The following SIPA1L2 variants were observed in gnomAD, a reference collection of about 807,000 sequenced individuals.
The protein encoded by SIPA1L2 is signal-induced proliferation-associated 1-like protein 2.
Under a neutral mutation model 163.9 loss-of-function variants are expected in SIPA1L2, and 56 were observed. That is an observed-to-expected ratio of 0.34 (90% confidence interval 0.28 to 0.43). The LOEUF (loss-of-function observed/expected upper bound fraction) is 0.43, where lower values mean the gene tolerates loss of function less well. SIPA1L2 is among the 20% of genes least tolerant of loss of function. The pLI, the probability that SIPA1L2 is intolerant of heterozygous loss-of-function variation, is 1.00. For missense variants in SIPA1L2, 1,974 were observed against 2,193.5 expected, an observed-to-expected ratio of 0.90 and a Z score of 2.00; for synonymous variants, 877 against 865.7, an observed-to-expected ratio of 1.01 and a Z score of -0.23.
chr1:232,550,865 G>A (rs1658338278), intron 2 of SIPA1L2, among the ~76,000 whole-genome samples: 1 of 152,138 alleles, frequency 6.6e-6, no homozygotes, highest in African/African-American at 2.4e-5. Flanking sequence ...GGAAAAAAGG[G>A]GGAAGAGCAA....
At chr1:232,404,270 G>A (rs939017745) in intron 19 of SIPA1L2, 92 bp from the exon 20 acceptor site, 9 of 959,556 alleles carry the variant, frequency 9.4e-6, no homozygotes, top group Middle Eastern at 2.2e-4. Context: ...GTGTGAAGTA[G>A]TGTGTGTGTG....
chr1:232,480,281 AC>A, intron 6 of SIPA1L2, among the ~76,000 whole-genome samples: 1 of 152,190 alleles, frequency 6.6e-6, no homozygotes, highest in African/African-American at 2.4e-5. Flanking sequence ...GGAAATGAGA[AC>A]AAAAAATGTT....
At chr1:232,415,210 A>G (rs945872104) in intron 19 of SIPA1L2, among the ~76,000 whole-genome samples, 3 of 152,196 alleles carry the variant, frequency 2.0e-5, no homozygotes, top group Admixed American at 6.5e-5. Context: ...CTTTTCAGAT[A>G]GGAAACAGAG....
intron 18 of SIPA1L2, among the ~76,000 whole-genome samples, chr1:232,423,342 T>C (rs1335659586): frequency 1.3e-5 from 2 of 152,118 alleles, no homozygotes; most frequent in African/African-American, 4.8e-5. Context: ...ACATAGGCGA[T>C]TGTGGTAGTC....
At chr1:232,469,103 G>A (rs1664672499) in intron 8 of SIPA1L2, among the ~76,000 whole-genome samples, 2 of 152,194 alleles carry the variant, frequency 1.3e-5, no homozygotes, top group Admixed American at 1.3e-4. Context: ...TTTCATTAGA[G>A]AAGGTGATCT....
At chr1:232,529,648 A>G (rs1667879024) in intron 2 of SIPA1L2, among the ~76,000 whole-genome samples, 2 of 152,170 alleles carry the variant, frequency 1.3e-5, no homozygotes, top group Non-Finnish European at 2.9e-5. Flanking sequence ...CTTCTCATCC[A>G]TATTCTAGCT....
intron 2 of SIPA1L2, among the ~76,000 whole-genome samples, chr1:232,565,714 T>C (rs989121502): frequency 2.6e-5 from 4 of 152,240 alleles, no homozygotes; most frequent in South Asian, 2.1e-4. Flanking sequence ...ACAGATTCTC[T>C]ATTCCTTTCT....
chr1:232,401,240 C>T (rs1435284719), intron 22 of SIPA1L2, among the ~76,000 whole-genome samples: 2 of 152,208 alleles, frequency 1.3e-5, no homozygotes, highest in Non-Finnish European at 2.9e-5. Context: ...GGGACTTTGC[C>T]GGTTCTAATA....
At chr1:232,435,664 G>C (rs910469198) in intron 15 of SIPA1L2, among the ~76,000 whole-genome samples, 5 of 152,132 alleles carry the variant, frequency 3.3e-5, no homozygotes, top group African/African-American at 1.2e-4. Context: ...ATTTTGCAAA[G>C]CCTTAGTTAG....
rs1161617252 is a variant in SIPA1L2 at position 232,630,108 on chromosome 1, G to A, written c.-558C>T. On this transcript the variant is annotated 5_prime_UTR_variant, in exon 1 of 23. Transcript: ENST00000674635. ...TCCGTCCTCCTCCTCCTCTCGCTCC[G>A]CCAGCTCCTCCCGGGCTCCCAGTCT... Among the ~76,000 whole-genome samples, 1 of 151,038 alleles carries A rather than the reference G, an allele frequency of 6.6e-6. No homozygotes were observed. Among genetic ancestry groups the A allele is most frequent in the Non-Finnish European group, 1.5e-5 (1 of 67,592 alleles).
intron 18 of SIPA1L2, among the ~76,000 whole-genome samples, chr1:232,417,517 C>T (rs1317372485): frequency 1.3e-5 from 2 of 152,036 alleles, no homozygotes; most frequent in Non-Finnish European, 2.9e-5. Context: ...GAAGCAGCAA[C>T]GCAGGAGTGG....
chr1:232,436,223 A>C lies in SIPA1L2; in HGVS notation c.4031+2885T>G, dbSNP rs12035376. Among the ~76,000 whole-genome samples the C allele has an allele frequency of 0.029, 4,367 of 152,272 alleles. 533 individuals are homozygous for C. In the East Asian group the frequency reaches 0.4, roughly 14 times the overall value. On this transcript the variant is annotated intron_variant, in intron 15 of 22. Transcript: ENST00000674635. ...AAATATTCAGATGCCTGCCATGTGCACAGAAGCGTACTAAGTGTTGTGGAT... is the reference window on the plus strand; with the variant it reads ...AAATATTCAGATGCCTGCCATGTGCCCAGAAGCGTACTAAGTGTTGTGGAT...
chr1:232,409,251 T>A (rs370635949), intron 19 of SIPA1L2, among the ~76,000 whole-genome samples: 1 of 152,388 alleles, frequency 6.6e-6, no homozygotes, highest in East Asian at 1.9e-4. Flanking sequence ...TCATCTTTAC[T>A]ATGAAGCTTT....
intron 18 of SIPA1L2, among the ~76,000 whole-genome samples, chr1:232,421,986 G>A (rs963209205): frequency 6.6e-6 from 1 of 152,162 alleles, no homozygotes; most frequent in Non-Finnish European, 1.5e-5. Context: ...GCCTGCCAAT[G>A]CTTGGGATTG....
chr1:232,483,365 C>T (rs1665467233), intron 6 of SIPA1L2, among the ~76,000 whole-genome samples: 1 of 151,706 alleles, frequency 6.6e-6, no homozygotes, highest in African/African-American at 2.4e-5. Flanking sequence ...TGGTTAACAT[C>T]ATGAATCTGG....
chr1:232,594,294 G>T (rs1031862512), intron 1 of SIPA1L2, among the ~76,000 whole-genome samples: 1 of 152,324 alleles, frequency 6.6e-6, no homozygotes, highest in East Asian at 1.9e-4. Flanking sequence ...GAGCTGCTAC[G>T]GGCAGAGCTG....
At chr1:232,460,132 G>A (rs1286207750) in intron 10 of SIPA1L2, among the ~76,000 whole-genome samples, 1 of 152,200 alleles carries the variant, frequency 6.6e-6, no homozygotes, top group East Asian at 1.9e-4. Flanking sequence ...ATTAACACAA[G>A]TAGTGGGCCA....
intron 1 of SIPA1L2, among the ~76,000 whole-genome samples, chr1:232,627,555 T>C (rs1663145819): frequency 6.6e-6 from 1 of 151,834 alleles, no homozygotes; most frequent in African/African-American, 2.4e-5. Context: ...ACCTTCCAAA[T>C]CCATATTACA....
chr1:232,445,031 A>G (rs543335537), intron 11 of SIPA1L2, among the ~76,000 whole-genome samples: 2 of 152,368 alleles, frequency 1.3e-5, no homozygotes, highest in Admixed American at 1.3e-4. Context: ...AAACAAGTGT[A>G]TGCATTCTTC....
Sources: gnomAD v4.1 joint callset for allele counts (sites outside exome capture counted in the v4.1 genomes callset) on GRCh38, gnomAD v4.1.1 for gene constraint, MANE v1.5 for transcripts, NCBI Gene and HGNC (gene_info 2026-07-23, HGNC 2026-07-21) for gene names.